The following SLCO6A1 variants were observed in gnomAD, a reference collection of about 807,000 sequenced individuals.
SLCO6A1 encodes the protein cancer/testis antigen 48.
In SLCO6A1, 65 loss-of-function variants were observed where a neutral mutation model predicts 72.7. The observed-to-expected ratio is 0.89, with a 90% CI of 0.73 to 1.10. The LOEUF is 1.10. Among genes scored for constraint, SLCO6A1 ranks in the 50% least tolerant of loss-of-function variants. SLCO6A1 has a pLI of 0.00. For synonymous variants in SLCO6A1, 314 were observed against 298.2 expected (o/e 1.05, Z -0.55); for missense variants, 874 against 872.6 (o/e 1.00, Z -0.02).
At chr5:102,434,949 A>G (rs755426036) in intron 7 of SLCO6A1, among the ~76,000 whole-genome samples, 12 of 152,228 alleles carry the variant, frequency 7.9e-5, no homozygotes, top group Non-Finnish European at 1.5e-4. Context: ...GTGAATTATC[A>G]GAATTTTAGT....
At chr5:102,415,901 T>C (rs1424594609) in intron 8 of SLCO6A1, among the ~76,000 whole-genome samples, 4 of 151,996 alleles carry the variant, frequency 2.6e-5, no homozygotes, top group Non-Finnish European at 5.9e-5. Flanking sequence ...GCAAATGACA[T>C]GAATAAACAT....
At chr5:102,459,621 A>G (rs144001750) in intron 5 of SLCO6A1, 35 bp downstream of exon 5, 1 of 1,550,822 alleles carries the variant, frequency 6.4e-7, no homozygotes, top group African/African-American at 1.4e-5. Flanking sequence ...AGAAACTACT[A>G]TCCTCCAATT....
chr5:102,402,257 A>G (rs1747439830), intron 9 of SLCO6A1, among the ~76,000 whole-genome samples: 2 of 152,276 alleles, frequency 1.3e-5, no homozygotes, highest in Non-Finnish European at 1.5e-5. Flanking sequence ...TGGTTAGAGT[A>G]TTAGAAAGAG....
intron 11 of SLCO6A1, among the ~76,000 whole-genome samples, chr5:102,390,255 C>A (rs1366001062): frequency 6.6e-6 from 1 of 152,140 alleles, no homozygotes; most frequent in East Asian, 1.9e-4. Flanking sequence ...TCCTATGCTA[C>A]CTCTTCCATT....
intron 6 of SLCO6A1, among the ~76,000 whole-genome samples, chr5:102,457,966 C>T (rs1479133043): frequency 2.0e-5 from 3 of 152,080 alleles, no homozygotes; most frequent in Non-Finnish European, 2.9e-5. Flanking sequence ...ATGGATGAAG[C>T]TGGAAACCAT....
At chr5:102,461,966 G>T (rs1231548721) in intron 4 of SLCO6A1, among the ~76,000 whole-genome samples, 7 of 151,964 alleles carry the variant, frequency 4.6e-5, no homozygotes, top group Admixed American at 4.6e-4. Flanking sequence ...TGATTATATA[G>T]CTAGAAAACC....
intron 9 of SLCO6A1, among the ~76,000 whole-genome samples, chr5:102,406,310 A>G (rs1021987040): frequency 1.3e-5 from 2 of 152,138 alleles, no homozygotes; most frequent in African/African-American, 4.8e-5. Context: ...AAATAATGCT[A>G]TAATAATGAT....
At chr5:102,487,256 T>C (rs1752486127) in intron 1 of SLCO6A1, among the ~76,000 whole-genome samples, 1 of 152,190 alleles carries the variant, frequency 6.6e-6, no homozygotes, top group Admixed American at 6.5e-5. Flanking sequence ...GTCTTCGGGT[T>C]TTTATGTGGT....
chr5:102,488,178 C>A (rs1752524467), intron 1 of SLCO6A1, among the ~76,000 whole-genome samples: 1 of 151,886 alleles, frequency 6.6e-6, no homozygotes, highest in Non-Finnish European at 1.5e-5. Flanking sequence ...GAGTATAATT[C>A]CAATACAATA....
At chr5:102,409,463 ATTTTAAT>A (rs1747853719) in intron 9 of SLCO6A1, among the ~76,000 whole-genome samples, 1 of 151,576 alleles carries the variant, frequency 6.6e-6, no homozygotes, top group Non-Finnish European at 1.5e-5. Context: ...AGTGTATCTT[ATTTTAAT>A]TTTTATTTTG....
chr5:102,452,421 CT>C (rs1322185599), intron 6 of SLCO6A1, among the ~76,000 whole-genome samples: 2 of 152,012 alleles, frequency 1.3e-5, no homozygotes, highest in Admixed American at 6.6e-5. Context: ...AGAGAGGTAG[CT>C]TTTTTCTTAT....
intron 6 of SLCO6A1, among the ~76,000 whole-genome samples, 170 bp downstream of exon 6, chr5:102,458,212 G>A (rs187389979): frequency 6.6e-4 from 100 of 151,664 alleles, no homozygotes; most frequent in African/African-American, 1.5e-3. Flanking sequence ...GTAACTAACC[G>A]GCACGTTGTG....
chr5:102,384,734 A>C (rs1746311356), intron 12 of SLCO6A1, among the ~76,000 whole-genome samples: 1 of 152,116 alleles, frequency 6.6e-6, no homozygotes, highest in Non-Finnish European at 1.5e-5. Context: ...AAATGATTTA[A>C]TCATCACTAT....
chr5:102,384,143 A>AT (rs1746276874), intron 12 of SLCO6A1, among the ~76,000 whole-genome samples: 1 of 151,224 alleles, frequency 6.6e-6, no homozygotes, highest in Admixed American at 6.6e-5. Context: ...TTATTTTGTT[A>AT]TTTTTTTCTA....
intron 7 of SLCO6A1, among the ~76,000 whole-genome samples, chr5:102,433,106 T>A (rs904804895): frequency 3.7e-4 from 56 of 152,298 alleles, no homozygotes; most frequent in African/African-American, 1.3e-3. Flanking sequence ...TCATAGTGTG[T>A]TTTTATCTCT....
chr5:102,467,817 G>A (rs898715060), intron 4 of SLCO6A1, among the ~76,000 whole-genome samples: 1 of 151,758 alleles, frequency 6.6e-6, no homozygotes, highest in African/African-American at 2.4e-5. Flanking sequence ...TGTATTTTTG[G>A]TTTCAATTTC....
chr5:102,400,834 C>A (rs1747356728), intron 9 of SLCO6A1, among the ~76,000 whole-genome samples: 1 of 151,978 alleles, frequency 6.6e-6, no homozygotes, highest in Non-Finnish European at 1.5e-5. Context: ...ACCCAAATAT[C>A]CAAATATCAA....
At chr5:102,433,367 G>A (rs894654538) in intron 7 of SLCO6A1, among the ~76,000 whole-genome samples, 1 of 152,144 alleles carries the variant, frequency 6.6e-6, no homozygotes, top group Non-Finnish European at 1.5e-5. Flanking sequence ...CAGAGTTCTC[G>A]TGCTGCTTTT....
chr5:102,396,811 T>G (rs967583021), intron 10 of SLCO6A1, among the ~76,000 whole-genome samples: 1 of 152,144 alleles, frequency 6.6e-6, no homozygotes, highest in Non-Finnish European at 1.5e-5. Context: ...AATATACACC[T>G]TCTGGCTGGT....
Sources: allele counts gnomAD v4.1 joint callset (sites outside exome capture counted in the v4.1 genomes callset), GRCh38; gene constraint gnomAD v4.1.1; transcripts MANE v1.5; gene names NCBI Gene and HGNC (gene_info 2026-07-23, HGNC 2026-07-21).